The following VIPR2 variants were observed in gnomAD, a reference collection of about 807,000 sequenced individuals.
VIPR2 encodes the protein vasoactive intestinal peptide receptor 2, also known as vasoactive intestinal polypeptide receptor 2.
In VIPR2, 48 loss-of-function variants were observed where a neutral mutation model predicts 58.0. The observed-to-expected ratio is 0.83, with a 90% CI of 0.66 to 1.05. The LOEUF is 1.05. Ranked by LOEUF, VIPR2 falls within the 50% of genes least tolerant of loss-of-function variation. The pLI, the probability that VIPR2 is intolerant of heterozygous loss-of-function variation, is 0.00. For synonymous variants in VIPR2, 243 were observed against 235.2 expected (o/e 1.03, Z -0.30); for missense variants, 534 against 558.0 (o/e 0.96, Z 0.43).
At chr7:159,061,672 A>G (rs1489032367) in intron 4 of VIPR2, among the ~76,000 whole-genome samples, 2 of 151,870 alleles carry the variant, frequency 1.3e-5, no homozygotes, top group Non-Finnish European at 2.9e-5. Context: ...AGTTAAAAAA[A>G]AGAAAAAAAG....
In VIPR2 at chr7:159,142,423, TACTC is replaced by T; in HGVS notation, c.151+19_151+22del. On this transcript the variant is annotated intron_variant, in intron 2 of 12. Transcript: ENST00000262178. The stretch of plus-strand genomic sequence containing the variant: ...CGGGTGAGAATGTCACGGGAGTTCT[TACTC>T]ACCAAGCCTCTGCCTTACCTTTGTG... The T allele has an allele frequency of 6.3e-7, 1 of 1,595,320 alleles. No homozygotes were observed. Among genetic ancestry groups the T allele is most frequent in the Non-Finnish European group, 8.6e-7 (1 of 1,163,762 alleles).
intron 5 of VIPR2, among the ~76,000 whole-genome samples, chr7:159,044,740 C>A (rs1228021121): frequency 2.7e-5 from 4 of 150,902 alleles, no homozygotes; most frequent in African/African-American, 9.7e-5. Flanking sequence ...CACAATTGAA[C>A]TAAAAGATTC....
intron 2 of VIPR2, among the ~76,000 whole-genome samples, chr7:159,120,492 C>A (rs1796414787): frequency 6.6e-6 from 1 of 152,222 alleles, no homozygotes; most frequent in Non-Finnish European, 1.5e-5. Flanking sequence ...TGGGAAACAG[C>A]CTAGAACTTT....
chr7:159,060,063 C>T (rs553579599), intron 4 of VIPR2, among the ~76,000 whole-genome samples: 14 of 148,534 alleles, frequency 9.4e-5, no homozygotes, highest in East Asian at 4.1e-4. Flanking sequence ...CCTCACCTCA[C>T]GGAACCCATC....
intron 6 of VIPR2, among the ~76,000 whole-genome samples, chr7:159,042,345 T>G (rs1197048103): frequency 6.6e-6 from 1 of 152,124 alleles, no homozygotes; most frequent in Non-Finnish European, 1.5e-5. Flanking sequence ...CCAGCAGGGA[T>G]GTGCTTGGTA....
At chr7:159,131,615 C>G (rs1796917526) in intron 2 of VIPR2, among the ~76,000 whole-genome samples, 2 of 152,192 alleles carry the variant, frequency 1.3e-5, no homozygotes, top group African/African-American at 4.8e-5. Flanking sequence ...TCCTGAAGAC[C>G]TCTTCAGAAA....
intron 5 of VIPR2, among the ~76,000 whole-genome samples, chr7:159,052,217 A>G (rs1052652962): frequency 3.3e-5 from 5 of 152,212 alleles, no homozygotes; most frequent in African/African-American, 1.2e-4. Context: ...AAAGAAAGAA[A>G]ACACAAATTG....
At chr7:159,063,983 A>T (rs1336877199) in intron 4 of VIPR2, among the ~76,000 whole-genome samples, 1 of 151,212 alleles carries the variant, frequency 6.6e-6, no homozygotes, top group African/African-American at 2.4e-5. Context: ...CCCGGTGCTC[A>T]CACCGGGCTG....
chr7:159,041,741 A>C (rs1043219182), intron 6 of VIPR2, among the ~76,000 whole-genome samples: 3 of 151,072 alleles, frequency 2.0e-5, no homozygotes, highest in Admixed American at 6.6e-5. Flanking sequence ...AGGGTCTGCC[A>C]TGGGTCCGAG....
Position 159,095,182 on chromosome 7 carries a change from G to A in VIPR2, c.357+8575C>T, listed in dbSNP as rs1052707751. ...GCCTGGAGTCTATGAAATCGGAGCC[G>A]AGACAGCAAATCATATGACAGCATT... On this transcript the variant is annotated intron_variant, in intron 4 of 12. Transcript: ENST00000262178. This position sits in a 1 kb window ranked among gnomAD's most constrained non-coding sequence, Gnocchi z 5.2. Among the ~76,000 whole-genome samples the A allele has an allele frequency of 7.9e-5, 12 of 152,206 alleles. No homozygotes were observed. The highest frequency in any genetic ancestry group is 2.0e-4 in the Admixed American group (3 of 15,274).
intron 2 of VIPR2, among the ~76,000 whole-genome samples, chr7:159,129,878 T>C (rs1359614769): frequency 1.3e-5 from 1 of 75,622 alleles, no homozygotes; most frequent in Non-Finnish European, 2.2e-5. Context: ...CACACTCTGT[T>C]CCCTCAAACT....
At chr7:159,064,587 C>T (rs1855976737) in intron 4 of VIPR2, among the ~76,000 whole-genome samples, 1 of 152,148 alleles carries the variant, frequency 6.6e-6, no homozygotes. Flanking sequence ...AGGTTGTCAG[C>T]AGCAGGAGTA....
chr7:159,076,825 A>C (rs558379545), intron 4 of VIPR2, among the ~76,000 whole-genome samples: 1 of 152,374 alleles, frequency 6.6e-6, no homozygotes, highest in South Asian at 2.1e-4. Flanking sequence ...TTAAAAAAAG[A>C]AAAGGATATA....
chr7:159,030,778 C>T lies in VIPR2; in HGVS notation c.1155G>A (p.Glu385=). The T allele has an allele frequency of 1.3e-6, 2 of 1,593,886 alleles. No homozygotes were observed. Among genetic ancestry groups the T allele is most frequent in the Non-Finnish European group, 8.5e-7 (1 of 1,171,036 alleles). The change falls in exon 13 of 13, where the codon GAG becomes GAA. Residue 385 remains glutamate, a synonymous_variant. Coordinates refer to ENST00000262178, the MANE Select transcript of VIPR2 (RefSeq NM_003382.5). The part of the protein sequence containing the change: ...YCFLNSEVQC[E]LKRKWRSRCP... Reference sequence around the variant, plus strand: ...ACCGGCTTCGCCATTTTCGCTTCAGCTCGCACTGCACCTGGGAGGTGAGGG... The same window carrying T: ...ACCGGCTTCGCCATTTTCGCTTCAGTTCGCACTGCACCTGGGAGGTGAGGG...
Position 159,085,820 on chromosome 7 carries a change from G to A in VIPR2, c.357+17937C>T, listed in dbSNP as rs565051158. 2.6e-5 allele frequency among the ~76,000 whole-genome samples: 4 copies of A among 152,290 alleles called. No individual in the cohort carries two copies. In the East Asian group the frequency reaches 7.7e-4, roughly 29 times the overall value. ...CTGGAAAGGCAGGACTATGGAGCCAGGGCAAAGATCGGCAGTTGCCAGGGG... is the reference window on the plus strand; with the variant it reads ...CTGGAAAGGCAGGACTATGGAGCCAAGGCAAAGATCGGCAGTTGCCAGGGG... On this transcript the variant is annotated intron_variant, in intron 4 of 12. Transcript: ENST00000262178.
chr7:159,040,376 C>A (rs1017079598), intron 6 of VIPR2, among the ~76,000 whole-genome samples: 1 of 152,256 alleles, frequency 6.6e-6, no homozygotes, highest in Non-Finnish European at 1.5e-5. Context: ...AGTACGCACA[C>A]ATGTGCACGT....
intron 2 of VIPR2, among the ~76,000 whole-genome samples, chr7:159,113,974 G>A (rs919822340): frequency 3.3e-5 from 5 of 152,118 alleles, no homozygotes; most frequent in East Asian, 1.9e-4. Flanking sequence ...ACGAGGGGCC[G>A]GAGACTATTA....
At position 159,095,632 on chromosome 7, in the gene VIPR2, G is replaced by GAGTGGT. The variant is rs1857782569; in HGVS notation, c.357+8124_357+8125insACCACT. Among the ~76,000 whole-genome samples the GAGTGGT allele has an allele frequency of 2.0e-5, 3 of 152,154 alleles. No individual in the cohort carries two copies. Among genetic ancestry groups the GAGTGGT allele is most frequent in the Non-Finnish European group, 4.4e-5 (3 of 68,030 alleles). On this transcript the variant is annotated intron_variant, in intron 4 of 12. Transcript: ENST00000262178. This position sits in a 1 kb window ranked among gnomAD's most constrained non-coding sequence, Gnocchi z 5.2. ...AGAGCAAAAGGACTATTAAGAGGGA[G>GAGTGGT]AACAGGAGTGTCACCGGAAGCCCCA...
In VIPR2 at chr7:159,030,569, GC is replaced by G. The variant is rs755863483; in HGVS notation, c.*46del. On this transcript the variant is annotated 3_prime_UTR_variant, in exon 13 of 13. Coordinates refer to ENST00000262178, the MANE Select transcript of VIPR2 (RefSeq NM_003382.5). ...AAGCCGGCGTCTCAGCCCCGCAGAA[GC>G]CCCGAACCGTGGGCCTCCCGCCGCG... is the stretch of plus-strand genomic sequence containing the variant. The G allele has an allele frequency of 1.0e-5, 15 of 1,489,804 alleles. No individual in the cohort carries two copies. The African/African-American group carries it at 2.0e-4, about 20-fold the overall frequency. The allele number at this position is 1,489,804 out of a possible 1,614,324, so 92.3% of individuals were successfully genotyped here.
Sources: allele counts gnomAD v4.1 joint callset (sites outside exome capture counted in the v4.1 genomes callset), GRCh38; gene constraint gnomAD v4.1.1; non-coding constraint Gnocchi (gnomAD v3.1); transcripts MANE v1.5; gene names NCBI Gene and HGNC (gene_info 2026-07-23, HGNC 2026-07-21).